PTPRD: variants seen among roughly 807,000 people sequenced by gnomAD.
PTPRD encodes the protein receptor-type tyrosine-protein phosphatase delta.
Under a neutral mutation model 214.5 loss-of-function variants are expected in PTPRD, and 34 were observed. That is an observed-to-expected ratio of 0.16 (90% CI 0.12 to 0.21). The LOEUF is 0.21. PTPRD is among the 10% of genes least tolerant of loss of function. The pLI, the probability that PTPRD is intolerant of heterozygous loss-of-function variation, is 1.00. For missense variants in PTPRD, 2,545 were observed against 2,398.7 expected, an observed-to-expected ratio of 1.06 and a Z score of -1.27; for synonymous variants, 1,128 against 845.7, an observed-to-expected ratio of 1.33 and a Z score of -5.79.
chr9:9,531,229 GC>G (rs1340494790), intron 8 of PTPRD, among the ~76,000 whole-genome samples: 1 of 152,054 alleles, frequency 6.6e-6, no homozygotes, highest in Non-Finnish European at 1.5e-5. Context: ...ATGCTACTCA[GC>G]ACTAAAAAGG....
intron 14 of PTPRD, among the ~76,000 whole-genome samples, chr9:8,631,889 G>A (rs1734597059): frequency 6.6e-6 from 1 of 151,640 alleles, no homozygotes; most frequent in Non-Finnish European, 1.5e-5. Flanking sequence ...TCTATGTGTT[G>A]GTCAGGGAAT....
intron 7 of PTPRD, among the ~76,000 whole-genome samples, chr9:9,716,302 T>G (rs373817506): frequency 6.6e-6 from 1 of 151,898 alleles, no homozygotes; most frequent in Non-Finnish European, 1.5e-5. Flanking sequence ...TGAATAGTGC[T>G]GTAATAAACA....
At chr9:8,627,875 T>C (rs1366970388) in intron 14 of PTPRD, among the ~76,000 whole-genome samples, 1 of 151,878 alleles carries the variant, frequency 6.6e-6, no homozygotes, top group Non-Finnish European at 1.5e-5. Context: ...GTCAGGAGCG[T>C]CTGTTCACTT....
intron 11 of PTPRD, among the ~76,000 whole-genome samples, chr9:8,839,872 C>G (rs1484185222): frequency 6.6e-6 from 1 of 152,002 alleles, no homozygotes; most frequent in East Asian, 1.9e-4. Context: ...TATGATGAGG[C>G]AAGGTTGTAA....
At chr9:9,388,714 T>C (rs2140775293) in intron 9 of PTPRD, among the ~76,000 whole-genome samples, 1 of 152,266 alleles carries the variant, frequency 6.6e-6, no homozygotes, top group African/African-American at 2.4e-5. Flanking sequence ...TAAATAAAAA[T>C]ATTTTATTCC....
intron 11 of PTPRD, among the ~76,000 whole-genome samples, chr9:8,941,124 C>T (rs1046689120): frequency 6.6e-6 from 1 of 152,078 alleles, no homozygotes; most frequent in African/African-American, 2.4e-5. Context: ...GGTAAATGAA[C>T]TTTATGCTCT....
At chr9:8,862,688 A>C (rs147116899) in intron 11 of PTPRD, among the ~76,000 whole-genome samples, 2 of 152,348 alleles carry the variant, frequency 1.3e-5, no homozygotes, top group African/African-American at 4.8e-5. Flanking sequence ...CACGTGAAAA[A>C]AATACACTTT....
intron 2 of PTPRD, among the ~76,000 whole-genome samples, chr9:10,412,144 T>C (rs1253057482): frequency 1.3e-5 from 2 of 151,740 alleles, no homozygotes; most frequent in Admixed American, 6.6e-5. Context: ...GAGAAGAATT[T>C]GAAGACTAAT....
rs575440071 is a variant in PTPRD, at chr9:10,475,872, A to C, written c.-599-134855T>G. Among the ~76,000 whole-genome samples the C allele has an allele frequency of 3.6e-4, 53 of 145,676 alleles. 1 individual carries two copies. The highest frequency in any genetic ancestry group is 6.3e-4 in the Non-Finnish European group (42 of 66,312). The stretch of plus-strand genomic sequence containing the variant: ...CCATCATATAAGTAGAACCAATGAC[A>C]AAAAAAAACATATGATTATCTCAGT... On this transcript the variant is annotated intron_variant, in intron 2 of 45. Coordinates refer to ENST00000381196, the MANE Select transcript of PTPRD (RefSeq NM_002839.4).
intron 10 of PTPRD, among the ~76,000 whole-genome samples, chr9:9,169,272 T>G (rs2099909959): frequency 6.6e-6 from 1 of 152,162 alleles, no homozygotes; most frequent in Non-Finnish European, 1.5e-5. Context: ...AAGGTCATAC[T>G]ACAAAAATGT....
chr9:9,919,763 T>C (rs565081028), intron 5 of PTPRD, among the ~76,000 whole-genome samples: 11 of 152,278 alleles, frequency 7.2e-5, no homozygotes, highest in Admixed American at 4.6e-4. Context: ...GACCTGGTGC[T>C]AACTATTTAA....
chr9:9,639,142 T>G (rs1396234476), intron 7 of PTPRD, among the ~76,000 whole-genome samples: 1 of 152,212 alleles, frequency 6.6e-6, no homozygotes, highest in African/African-American at 2.4e-5. Context: ...AGTTAATAAT[T>G]ATTAAATCAC....
chr9:9,373,349 G>T (rs552735927), intron 9 of PTPRD, among the ~76,000 whole-genome samples: 21 of 152,010 alleles, frequency 1.4e-4, no homozygotes, highest in Middle Eastern at 3.2e-3. Flanking sequence ...CTAACACCTA[G>T]AAACCTTGTA....
chr9:9,577,610 G>T (rs73388918), intron 7 of PTPRD, among the ~76,000 whole-genome samples: 1 of 151,860 alleles, frequency 6.6e-6, no homozygotes, highest in African/African-American at 2.4e-5. Context: ...ATTTTAACAC[G>T]ATGTGCATAA....
chr9:10,112,914 T>C (rs1189974451), intron 3 of PTPRD, among the ~76,000 whole-genome samples: 2 of 152,236 alleles, frequency 1.3e-5, no homozygotes, highest in African/African-American at 2.4e-5. Context: ...AGCTTGTCTG[T>C]TCTAAGCCAC....
intron 11 of PTPRD, among the ~76,000 whole-genome samples, chr9:8,837,132 T>A (rs1428253310): frequency 6.6e-6 from 1 of 151,556 alleles, no homozygotes; most frequent in Non-Finnish European, 1.5e-5. Context: ...TTCAAGTGAT[T>A]CTCCTGCCTT....
At chr9:9,876,592 C>T (rs1397789625) in intron 5 of PTPRD, among the ~76,000 whole-genome samples, 1 of 152,140 alleles carries the variant, frequency 6.6e-6, no homozygotes, top group Non-Finnish European at 1.5e-5. Context: ...CATTACATTT[C>T]TTAATGCTCA....
intron 10 of PTPRD, among the ~76,000 whole-genome samples, chr9:9,180,340 C>T (rs151259875): frequency 0.032 from 4,857 of 151,020 alleles, 271 homozygotes; most frequent in African/African-American, 0.11. Context: ...AGCAAACTAT[C>T]GCAAGGACAA....
intron 5 of PTPRD, among the ~76,000 whole-genome samples, chr9:9,881,353 T>A (rs891179917): frequency 2.6e-5 from 4 of 152,146 alleles, no homozygotes; most frequent in Non-Finnish European, 5.9e-5. Context: ...ATGATTACTA[T>A]TTTGCCTATC....
Sources: allele counts gnomAD v4.1 joint callset (sites outside exome capture counted in the v4.1 genomes callset), GRCh38; gene constraint gnomAD v4.1.1; transcripts MANE v1.5; gene names NCBI Gene and HGNC (gene_info 2026-07-23, HGNC 2026-07-21).